FSD1L: variants seen among roughly 807,000 people sequenced by gnomAD.
The protein encoded by FSD1L is FSD1-like protein.
In FSD1L, 45 loss-of-function variants were observed where a neutral mutation model predicts 71.6. The ratio of observed to expected loss-of-function variants is 0.63; its 90% CI spans 0.49 to 0.81. FSD1L has a LOEUF of 0.81. Ranked by LOEUF, FSD1L falls within the 30% of genes least tolerant of loss-of-function variation. FSD1L has a pLI of 0.00. For synonymous variants in FSD1L, 197 were observed against 207.2 expected (o/e 0.95, Z 0.42); for missense variants, 561 against 618.1 (o/e 0.91, Z 0.98).
At chr9:105,502,430 G>T (rs532669465) in intron 7 of FSD1L, among the ~76,000 whole-genome samples, 1 of 152,024 alleles carries the variant, frequency 6.6e-6, no homozygotes, top group Non-Finnish European at 1.5e-5. Flanking sequence ...GAGAATTTAC[G>T]TGTTGATTTA....
intron 10 of FSD1L, chr9:105,522,456 G>A: frequency 3.7e-6 from 6 of 1,613,796 alleles, no homozygotes; most frequent in South Asian, 1.1e-5. Flanking sequence ...ACAGAGGAGT[G>A]CAACAACCAC....
chr9:105,529,858 T>C (rs1039699208), intron 10 of FSD1L, among the ~76,000 whole-genome samples: 1 of 151,968 alleles, frequency 6.6e-6, no homozygotes, highest in African/African-American at 2.4e-5. Flanking sequence ...CTGTTAGAAT[T>C]TGGGGGACTT....
intron 5 of FSD1L, among the ~76,000 whole-genome samples, chr9:105,474,601 T>G (rs1007301691): frequency 4.6e-5 from 7 of 152,240 alleles, no homozygotes; most frequent in African/African-American, 1.7e-4. Context: ...ATTACTAGTC[T>G]AGCAGTATAT....
intron 6 of FSD1L, among the ~76,000 whole-genome samples, chr9:105,480,650 A>C (rs1832114827): frequency 6.6e-6 from 1 of 152,170 alleles, no homozygotes; most frequent in African/African-American, 2.4e-5. Flanking sequence ...AAAGACATGG[A>C]TCATTCTTAT....
intron 10 of FSD1L, among the ~76,000 whole-genome samples, chr9:105,531,701 G>T (rs970835180): frequency 6.6e-6 from 1 of 150,768 alleles, no homozygotes; most frequent in Admixed American, 6.7e-5. Context: ...TTGATGAATT[G>T]GGTAATATTT....
At chr9:105,499,924 A>G (rs1833664806) in intron 7 of FSD1L, among the ~76,000 whole-genome samples, 1 of 151,940 alleles carries the variant, frequency 6.6e-6, no homozygotes, top group Admixed American at 6.6e-5. Flanking sequence ...CTATTGAGAG[A>G]TCTTCAAACT....
intron 5 of FSD1L, among the ~76,000 whole-genome samples, chr9:105,475,611 A>G (rs1378597269): frequency 4.6e-5 from 7 of 152,240 alleles, no homozygotes; most frequent in Non-Finnish European, 8.8e-5. Context: ...TGAGGACAAT[A>G]TAAAAAAACA....
intron 10 of FSD1L, among the ~76,000 whole-genome samples, chr9:105,518,207 T>C (rs1289881469): frequency 1.3e-5 from 2 of 152,166 alleles, no homozygotes; most frequent in African/African-American, 2.4e-5. Flanking sequence ...CATACAGTAA[T>C]AGTGGGAGAC....
upstream of FSD1L, among the ~76,000 whole-genome samples, chr9:105,443,724 G>A (rs1230812476): frequency 6.6e-6 from 1 of 152,096 alleles, no homozygotes; most frequent in East Asian, 1.9e-4. Context: ...TTGAGGCCAG[G>A]AGTTCAAGAC....
upstream of FSD1L, among the ~76,000 whole-genome samples, chr9:105,447,189 G>A (rs1829678819): frequency 1.3e-5 from 2 of 151,716 alleles, no homozygotes; most frequent in South Asian, 4.2e-4. Flanking sequence ...GCCAGGTGTG[G>A]TGGGGGCGCC....
At chr9:105,491,890 A>G (rs1342099584) in intron 7 of FSD1L, among the ~76,000 whole-genome samples, 1 of 152,226 alleles carries the variant, frequency 6.6e-6, no homozygotes, top group East Asian at 1.9e-4. Flanking sequence ...GTGCTGCTGG[A>G]TTCGGTTTGC....
At chr9:105,478,151 A>G (rs535172492) in intron 5 of FSD1L, among the ~76,000 whole-genome samples, 1 of 152,314 alleles carries the variant, frequency 6.6e-6, no homozygotes, top group South Asian at 2.1e-4. Context: ...AGGCTGAGGC[A>G]GGAGAATGGC....
chr9:105,478,806 T>C (rs1351551748), intron 5 of FSD1L, among the ~76,000 whole-genome samples: 3 of 152,216 alleles, frequency 2.0e-5, no homozygotes, highest in African/African-American at 7.2e-5. Flanking sequence ...ACAACTTTCT[T>C]TGGAGTAAAG....
intron 6 of FSD1L, among the ~76,000 whole-genome samples, chr9:105,482,566 C>T (rs1832279503): frequency 6.6e-6 from 1 of 152,154 alleles, no homozygotes; most frequent in African/African-American, 2.4e-5. Flanking sequence ...AGAGAATTAT[C>T]TAATGAATTT....
At chr9:105,492,481 T>G (rs1025616125) in intron 7 of FSD1L, among the ~76,000 whole-genome samples, 2 of 152,176 alleles carry the variant, frequency 1.3e-5, no homozygotes. Flanking sequence ...TGAAGGGTTT[T>G]TTTGTGTCTC....
At chr9:105,448,996 G>C (rs1438842561) in intron 1 of FSD1L, among the ~76,000 whole-genome samples, 1 of 152,182 alleles carries the variant, frequency 6.6e-6, no homozygotes, top group Non-Finnish European at 1.5e-5. Flanking sequence ...GAATTATTCA[G>C]TCATAATCTC....
At chr9:105,483,321 G>A (rs1482144263) in intron 6 of FSD1L, among the ~76,000 whole-genome samples, 1 of 152,156 alleles carries the variant, frequency 6.6e-6, no homozygotes, top group African/African-American at 2.4e-5. Flanking sequence ...AATATAGCAA[G>A]TTTGACATCT....
intron 10 of FSD1L, among the ~76,000 whole-genome samples, chr9:105,532,543 T>C (rs1268060916): frequency 2.6e-5 from 4 of 152,220 alleles, no homozygotes; most frequent in Non-Finnish European, 1.5e-5. Context: ...ATTTTGGAGA[T>C]CTCAACAACT....
rs1479094102 is a variant in FSD1L at position 105,532,310 on chromosome 9, CAGAA to C, written c.1026-2177_1026-2174del. Among the ~76,000 whole-genome samples the C allele has an allele frequency of 2.0e-5, 3 of 152,122 alleles. No individual in the cohort carries two copies. The East Asian group carries it at 5.8e-4, about 29-fold the overall frequency. ...CTCTATCAGCTTGTATAAAATGAAT[CAGAA>C]AGAAAATTATGATACAGTTCTTTTT... is the stretch of plus-strand genomic sequence containing the variant. On this transcript the variant is annotated intron_variant, in intron 10 of 13. Coordinates refer to ENST00000481272, the MANE Select transcript of FSD1L (RefSeq NM_001145313.3).
Sources: allele counts gnomAD v4.1 joint callset (sites outside exome capture counted in the v4.1 genomes callset), GRCh38; gene constraint gnomAD v4.1.1; transcripts MANE v1.5; gene names NCBI Gene and HGNC (gene_info 2026-07-23, HGNC 2026-07-21).